Variants in ZNF141 observed in about 807,000 individuals in gnomAD.
ZNF141 encodes zinc finger protein 141.
ZNF141 carries 7 observed loss-of-function variants against 11.3 expected under a neutral mutation model. The observed-to-expected ratio is 0.62, with a 90% confidence interval of 0.35 to 1.16. The LOEUF is 1.16. Ranked by LOEUF, ZNF141 falls within the 50% of genes most tolerant of loss-of-function variation. The probability of loss-of-function intolerance (pLI) is 0.02; values close to 1 mark genes in which losing one functional copy is unlikely to be tolerated. For synonymous variants in ZNF141, 183 were observed against 190.7 expected, an observed-to-expected ratio of 0.96 and a Z score of 0.33; for missense variants, 535 against 554.0, an observed-to-expected ratio of 0.97 and a Z score of 0.34.
At chr4:342,558 A>G (rs1266893821) in intron 1 of ZNF141, among the ~76,000 whole-genome samples, 1 of 152,210 alleles carries the variant, frequency 6.6e-6, no homozygotes, top group African/African-American at 2.4e-5. Context: ...TCAAACCTGC[A>G]GAATTTTGTT....
At chr4:353,895 A>G (rs1029729494) in intron 3 of ZNF141, among the ~76,000 whole-genome samples, 13 of 152,184 alleles carry the variant, frequency 8.5e-5, no homozygotes, top group Non-Finnish European at 1.5e-4. Context: ...TGCTGCTACA[A>G]TGTGATTTCT....
At chr4:344,040 C>T in intron 2 of ZNF141, 132 bp downstream of exon 2, 3 of 1,291,764 alleles carry the variant, frequency 2.3e-6, no homozygotes, top group Non-Finnish European at 3.2e-6. Context: ...TAATTTGAGT[C>T]CTTCACTCTA....
Position 372,839 on chromosome 4 carries a change from T to C in ZNF141, c.402T>C (p.Asn134=). 1 of 1,613,040 alleles carries C rather than the reference T, an allele frequency of 6.2e-7. No individual in the cohort carries two copies. Among genetic ancestry groups the C allele is most frequent in the Non-Finnish European group, 8.5e-7 (1 of 1,179,256 alleles). Residue 134 remains asparagine, a synonymous_variant, in exon 4 of 4, where the codon AAT becomes AAC. Coordinates refer to ENST00000240499, the MANE Select transcript of ZNF141 (RefSeq NM_003441.4). The stretch of plus-strand genomic sequence containing the variant: ...AGAAAGGAGGTTATAATGAATTTAA[T>C]GAATGCTTGTCAACTACCCAGAGCA... The part of the protein sequence containing the change: ...KLQKGGYNEF[N]ECLSTTQSKI...
At chr4:359,242 A>C (rs985318764) in intron 3 of ZNF141, among the ~76,000 whole-genome samples, 1 of 152,042 alleles carries the variant, frequency 6.6e-6, no homozygotes, top group Non-Finnish European at 1.5e-5. Flanking sequence ...TGAGGATTCC[A>C]TTTTCTGAGG....
At chr4:369,444 T>C (rs539292048) in intron 3 of ZNF141, among the ~76,000 whole-genome samples, 1 of 152,218 alleles carries the variant, frequency 6.6e-6, no homozygotes, top group Admixed American at 6.5e-5. Flanking sequence ...GTGACTCTTG[T>C]AGAAAAACAA....
intron 3 of ZNF141, among the ~76,000 whole-genome samples, chr4:372,049 A>G (rs1391261803): frequency 1.3e-5 from 2 of 152,064 alleles, no homozygotes; most frequent in African/African-American, 4.8e-5. Context: ...TCCTCTCTGG[A>G]ATTTTGTGTT....
chr4:357,274 G>A (rs545680801), intron 3 of ZNF141, among the ~76,000 whole-genome samples: 2 of 152,072 alleles, frequency 1.3e-5, no homozygotes, highest in Admixed American at 6.5e-5. Context: ...TTAAAAGATT[G>A]AATAGCTTTC....
At position 358,406 on chromosome 4, in the gene ZNF141, G is replaced by A. The variant is rs190099924; in HGVS notation, c.226+13976G>A. ...TCACCATGTTGGCCAGGCTGGTCTCGAACTCCTGACCTCAAGTGATCCGCC... is the reference window on the plus strand; with the variant it reads ...TCACCATGTTGGCCAGGCTGGTCTCAAACTCCTGACCTCAAGTGATCCGCC... On this transcript the variant is annotated intron_variant, in intron 3 of 3. Coordinates refer to ENST00000240499, the MANE Select transcript of ZNF141 (RefSeq NM_003441.4). 3,875 of 286,954 alleles carry A rather than the reference G, an allele frequency of 0.014. 44 individuals carry two copies. Among genetic ancestry groups the A allele is most frequent in the Middle Eastern group, 0.027 (20 of 738 alleles). 17.8% of individuals were successfully genotyped at this position (286,954 alleles called of 1,614,324 possible).
At chr4:351,221 A>G (rs1553850394) in intron 3 of ZNF141, among the ~76,000 whole-genome samples, 1 of 149,070 alleles carries the variant, frequency 6.7e-6, no homozygotes, top group African/African-American at 2.5e-5. Context: ...CTTCAGAACT[A>G]TGAGCCAGTT....
chr4:367,476 T>G (rs1553853050), intron 3 of ZNF141, among the ~76,000 whole-genome samples: 1 of 152,290 alleles, frequency 6.6e-6, no homozygotes, highest in Non-Finnish European at 1.5e-5. Flanking sequence ...TCTCAGATTT[T>G]AGATACTATT....
intron 3 of ZNF141, among the ~76,000 whole-genome samples, chr4:360,162 G>A (rs782243139): frequency 3.3e-5 from 5 of 152,302 alleles, no homozygotes; most frequent in African/African-American, 4.8e-5. Context: ...CAAAGTTGCC[G>A]TAAAGGTTGT....
Position 373,290 on chromosome 4 carries a change from T to C in ZNF141, c.853T>C (p.Cys285Arg), listed in dbSNP as rs1712173986. 2 of 1,613,882 alleles carry C rather than the reference T, an allele frequency of 1.2e-6. No homozygotes were observed. The highest frequency in any genetic ancestry group is 1.3e-5 in the African/African-American group (1 of 74,862). The change falls in exon 4 of 4, where the codon TGT (cysteine) becomes CGT (arginine). Residue 285 changes from cysteine (C) to arginine (R), a missense_variant. Cys to Arg is a radical substitution (Grantham distance 180). Transcript: ENST00000240499. ...RIHAGEKPIT[C>R]EECRKIFTSS... ...TCATGCTGGAGAGAAACCCATCACA[T>C]GTGAAGAATGTAGGAAAATCTTTAC...
At chr4:346,610 T>C (rs1327202108) in intron 3 of ZNF141, among the ~76,000 whole-genome samples, 6 of 152,206 alleles carry the variant, frequency 3.9e-5, no homozygotes, top group African/African-American at 1.4e-4. Flanking sequence ...ATTTGTGCTC[T>C]TGAACAACAT....
intron 3 of ZNF141, among the ~76,000 whole-genome samples, chr4:363,650 C>T (rs1471912423): frequency 2.0e-5 from 3 of 151,010 alleles, no homozygotes; most frequent in African/African-American, 2.4e-5. Flanking sequence ...CCCAGCTACG[C>T]GGGAGGCTGA....
At chr4:351,835 A>C (rs1721618444) in intron 3 of ZNF141, among the ~76,000 whole-genome samples, 2 of 152,144 alleles carry the variant, frequency 1.3e-5, no homozygotes, top group African/African-American at 4.8e-5. Flanking sequence ...GAGCCCTGGA[A>C]AGCTGGGTAT....
chr4:343,125 C>T (rs1721136782), intron 1 of ZNF141, among the ~76,000 whole-genome samples: 1 of 152,180 alleles, frequency 6.6e-6, no homozygotes, highest in African/African-American at 2.4e-5. Flanking sequence ...CAGTTCCTTG[C>T]ATGATTCTAC....
chr4:360,112 CCCT>C (rs1350661766), intron 3 of ZNF141, among the ~76,000 whole-genome samples: 1 of 152,300 alleles, frequency 6.6e-6, no homozygotes, highest in East Asian at 1.9e-4. Flanking sequence ...CTCAATACAG[CCCT>C]CCTCAGTCTT....
Position 372,656 on chromosome 4 carries a change from T to C in ZNF141, c.227-8T>C. ...AGTGGGATAATTTGTAATTTTTATTTCTTTCAGCTATGTGTTCTCATTTCA... is the reference window on the plus strand; with the variant it reads ...AGTGGGATAATTTGTAATTTTTATTCCTTTCAGCTATGTGTTCTCATTTCA... On this transcript the variant is annotated splice_polypyrimidine_tract_variant and splice_region_variant and intron_variant, in intron 3 of 3. Coordinates refer to ENST00000240499, the MANE Select transcript of ZNF141 (RefSeq NM_003441.4). The C allele has an allele frequency of 6.7e-7, 1 of 1,490,390 alleles. No homozygotes were observed. Among genetic ancestry groups the C allele is most frequent in the Non-Finnish European group, 9.0e-7 (1 of 1,117,260 alleles). The allele number at this position is 1,490,390 out of a possible 1,614,324, so 92.3% of individuals were successfully genotyped here.
chr4:345,141 C>T (rs1422376850), intron 3 of ZNF141, among the ~76,000 whole-genome samples: 2 of 152,036 alleles, frequency 1.3e-5, no homozygotes, highest in Non-Finnish European at 2.9e-5. Flanking sequence ...GAGTAGTGGA[C>T]ATAGTGGGAT....
Sources: gnomAD v4.1 joint callset for allele counts (sites outside exome capture counted in the v4.1 genomes callset) on GRCh38, gnomAD v4.1.1 for gene constraint, MANE v1.5 for transcripts, NCBI Gene and HGNC (gene_info 2026-07-23, HGNC 2026-07-21) for gene names.